RADIL: variants seen among roughly 807,000 people sequenced by gnomAD.
RADIL encodes the protein ras-associating and dilute domain-containing protein.
In RADIL, 99 loss-of-function variants were observed where a neutral mutation model predicts 97.6. The observed-to-expected ratio is 1.01, with a 90% confidence interval of 0.86 to 1.20. The LOEUF is 1.20. Among genes scored for constraint, RADIL ranks in the 50% most tolerant of loss-of-function variants. The probability of loss-of-function intolerance (pLI) is 0.00; values close to 1 mark genes in which losing one functional copy is unlikely to be tolerated. For synonymous variants in RADIL, 803 were observed against 691.8 expected (o/e 1.16, Z -2.52); for missense variants, 1,765 against 1,498.9 (o/e 1.18, Z -2.93).
rs1781992774 is a variant in RADIL at position 4,799,175 on chromosome 7, C to CA, written c.*202dup. On this transcript the variant is annotated 3_prime_UTR_variant, in exon 15 of 15. Transcript: ENST00000399583. ...GTCTTTAAACATAAAAGCTCTGTAACAAACATCACAATTTCACGTCATCTG... is the reference window on the plus strand; with the variant it reads ...GTCTTTAAACATAAAAGCTCTGTAACAAAACATCACAATTTCACGTCATCTG... 1.7e-6 allele frequency: 1 copy of CA among 586,700 alleles called. No homozygotes were observed. Among genetic ancestry groups the CA allele is most frequent in the African/African-American group, 1.9e-5 (1 of 53,650 alleles). 36.3% of individuals were successfully genotyped at this position (586,700 alleles called of 1,614,324 possible).
At position 4,860,501 on chromosome 7, in the gene RADIL, A is replaced by G. The variant is rs368410442; in HGVS notation, c.535+17104T>C. 75 of 1,613,968 alleles carry G rather than the reference A, an allele frequency of 4.6e-5. No individual in the cohort carries two copies. The highest frequency in any genetic ancestry group is 6.3e-5 in the Non-Finnish European group (74 of 1,179,960). On this transcript the variant is annotated intron_variant, in intron 2 of 14. Coordinates refer to ENST00000399583, the MANE Select transcript of RADIL (RefSeq NM_018059.5). The stretch of plus-strand genomic sequence containing the variant: ...TTTTAGCCCTAACCCAATCACCCAC[A>G]TTGTACGAAATTCTTCCATATCAGG...
intron 5 of RADIL, among the ~76,000 whole-genome samples, chr7:4,828,483 G>A (rs1280328090): frequency 6.6e-6 from 1 of 152,168 alleles, no homozygotes; most frequent in Non-Finnish European, 1.5e-5. Flanking sequence ...TAGGAATGTA[G>A]CACTCCACAT....
At position 4,817,443 on chromosome 7, in the gene RADIL, G is replaced by C; in HGVS notation, c.1616-92C>G. On this transcript the variant is annotated intron_variant, in intron 6 of 14. Coordinates refer to ENST00000399583, the MANE Select transcript of RADIL (RefSeq NM_018059.5). This position sits in a 1 kb window ranked among gnomAD's most constrained non-coding sequence, Gnocchi z 8.3. ...AGCCGCCAGCTCTTTCCCTGGCGCG[G>C]GCACCACCCAACGCGCCCATCTGGG... 8.7e-7 allele frequency: 1 copy of C among 1,152,448 alleles called. No homozygotes were observed. The highest frequency in any genetic ancestry group is 1.2e-6 in the Non-Finnish European group (1 of 813,476). The allele number at this position is 1,152,448 out of a possible 1,614,324, so 71.4% of individuals were successfully genotyped here.
chr7:4,857,333 G>A (rs759712693), intron 2 of RADIL, among the ~76,000 whole-genome samples: 18 of 152,018 alleles, frequency 1.2e-4, no homozygotes, highest in Non-Finnish European at 2.4e-4. Flanking sequence ...TTTTGGTTGT[G>A]TCTCTTTTAA....
At chr7:4,839,842 GT>G (rs1023600703) in intron 2 of RADIL, among the ~76,000 whole-genome samples, 19 of 152,170 alleles carry the variant, frequency 1.2e-4, no homozygotes, top group African/African-American at 4.1e-4. Flanking sequence ...TGCCTCCTGG[GT>G]TCGAGTGATT....
Position 4,824,497 on chromosome 7 carries a change from A to T in RADIL, c.1455-1943T>A, listed in dbSNP as rs904620422. ...TGTTCTTTCCCCAGCTGGGCAGCCGAGCAGGGCTGGGGGAGGAACCCCAGG... is the reference window on the plus strand; with the variant it reads ...TGTTCTTTCCCCAGCTGGGCAGCCGTGCAGGGCTGGGGGAGGAACCCCAGG... On this transcript the variant is annotated intron_variant, in intron 5 of 14. Coordinates refer to ENST00000399583, the MANE Select transcript of RADIL (RefSeq NM_018059.5). The surrounding 1 kb of genome is among the most constrained non-coding windows in gnomAD (Gnocchi z 6.7). Among the ~76,000 whole-genome samples the T allele has an allele frequency of 1.3e-5, 2 of 152,200 alleles. No homozygotes were observed. Among genetic ancestry groups the T allele is most frequent in the Non-Finnish European group, 2.9e-5 (2 of 68,028 alleles).
Position 4,878,958 on chromosome 7 carries a change from C to G in RADIL, c.-64-755G>C, listed in dbSNP as rs968192018. Among the ~76,000 whole-genome samples, 2 of 152,358 alleles carry G rather than the reference C, an allele frequency of 1.3e-5. No homozygotes were observed. Among genetic ancestry groups the G allele is most frequent in the Non-Finnish European group, 2.9e-5 (2 of 68,030 alleles). ...AGTGCAACCAGGAAAACAGGCGAAT[C>G]GCAGCCACGTTGGCAGAATAGACCA... On this transcript the variant is annotated intron_variant, in intron 1 of 14. Transcript: ENST00000399583. The surrounding 1 kb of genome is among the most constrained non-coding windows in gnomAD (Gnocchi z 4.1).
chr7:4,856,605 T>C (rs1366841328), intron 2 of RADIL, among the ~76,000 whole-genome samples: 2 of 152,214 alleles, frequency 1.3e-5, no homozygotes, highest in African/African-American at 4.8e-5. Flanking sequence ...GACTTGAGCT[T>C]TTTTGTGTCT....
At position 4,824,324 on chromosome 7, in the gene RADIL, G is replaced by C. The variant is rs1017078458; in HGVS notation, c.1455-1770C>G. ...CAGGCTCAAGGCTGGACGGCCGTCA[G>C]AGTGACCATCGCGTGCTCAGTCCCA... On this transcript the variant is annotated intron_variant, in intron 5 of 14. Coordinates refer to ENST00000399583, the MANE Select transcript of RADIL (RefSeq NM_018059.5). This position sits in a 1 kb window ranked among gnomAD's most constrained non-coding sequence, Gnocchi z 6.7. Among the ~76,000 whole-genome samples, 1 of 152,234 alleles carries C rather than the reference G, an allele frequency of 6.6e-6. No homozygotes were observed. Among genetic ancestry groups the C allele is most frequent in the Non-Finnish European group, 1.5e-5 (1 of 68,034 alleles).
Position 4,865,886 on chromosome 7 carries a change from T to C in RADIL, c.535+11719A>G, listed in dbSNP as rs986814311. On this transcript the variant is annotated intron_variant, in intron 2 of 14. Transcript: ENST00000399583. The stretch of plus-strand genomic sequence containing the variant: ...TTAGACACACAAATATTTACCGTTA[T>C]GTTCTAATTACCTTTAGCATTCAGT... The C allele has an allele frequency of 2.9e-5, 19 of 645,536 alleles. No homozygotes were observed. In the African/African-American group the frequency reaches 3.1e-4, roughly 10 times the overall value. 40.0% of individuals were successfully genotyped at this position (645,536 alleles called of 1,614,324 possible). A position where few individuals can be genotyped will look rare whatever the true frequency, so the allele number is the denominator to read the frequency against.
intron 2 of RADIL, chr7:4,865,609 C>T: frequency 1.2e-6 from 1 of 814,472 alleles, no homozygotes. Context: ...TGCTCTTGCT[C>T]CTTTCGATGG....
At chr7:4,848,364 A>G (rs916894519) in intron 2 of RADIL, among the ~76,000 whole-genome samples, 2 of 152,154 alleles carry the variant, frequency 1.3e-5, no homozygotes, top group Non-Finnish European at 2.9e-5. Flanking sequence ...TTTTTAAAAA[A>G]AAAACCCAGC....
At chr7:4,799,922 G>C (rs1782022460) in intron 13 of RADIL, among the ~76,000 whole-genome samples, 153 bp from the exon 14 acceptor site, 1 of 152,202 alleles carries the variant, frequency 6.6e-6, no homozygotes, top group Non-Finnish European at 1.5e-5. Flanking sequence ...AAAAGCAGTG[G>C]ACACCACCGT....
In RADIL at chr7:4,877,789, G is replaced by A. The variant is rs368805834; in HGVS notation, c.351C>T (p.Gly117=). ...ACCGCTGCCCAGCATCGCCGGCTTG[G>A]CCCACCACGTCACACAGCACGTACT... ...AGQYVLCDVV[G]QAGDAGQRWQ... is the part of the protein sequence containing the mutation. The change falls in exon 2 of 15, where the codon GGC becomes GGT. Residue 117 remains glycine, a synonymous_variant. Transcript: ENST00000399583. 1.4e-4 allele frequency: 224 copies of A among 1,611,758 alleles called. No individual in the cohort carries two copies. The African/African-American group carries it at 2.9e-3, about 21-fold the overall frequency.
intron 10 of RADIL, 194 bp from the exon 11 acceptor site, chr7:4,803,948 G>A (rs762334523): frequency 1.2e-4 from 80 of 679,276 alleles, no homozygotes; most frequent in Admixed American, 1.4e-4. Context: ...CTGAATTCCC[G>A]CCGACCACCC....
At chr7:4,833,182 A>G (rs3793141) in intron 4 of RADIL, among the ~76,000 whole-genome samples, 37,774 of 152,128 alleles carry the variant, frequency 0.25, 5,710 homozygotes, top group East Asian at 0.37. Flanking sequence ...CAAGTGACTT[A>G]CGGCCCCCTG....
At chr7:4,838,042 G>A (rs1180656377) in intron 2 of RADIL, 4 of 985,328 alleles carry the variant, frequency 4.1e-6, no homozygotes, top group East Asian at 1.1e-4. Context: ...CAAGGCAGCC[G>A]GCAGCCTGTG....
intron 2 of RADIL, chr7:4,860,799 T>C (rs1276602936): frequency 3.1e-6 from 5 of 1,614,076 alleles, no homozygotes; most frequent in Non-Finnish European, 4.2e-6. Flanking sequence ...TCCTCAATCA[T>C]GACCATCCTG....
At chr7:4,802,784 C>A (rs1229341726) in intron 11 of RADIL, among the ~76,000 whole-genome samples, 1 of 125,656 alleles carries the variant, frequency 8.0e-6, no homozygotes, top group African/African-American at 3.3e-5. Flanking sequence ...GGGGGGCCCC[C>A]TCCCCAGACA....
Sources: allele counts gnomAD v4.1 joint callset (sites outside exome capture counted in the v4.1 genomes callset), GRCh38; gene constraint gnomAD v4.1.1; non-coding constraint Gnocchi (gnomAD v3.1); transcripts MANE v1.5; gene names NCBI Gene and HGNC (gene_info 2026-07-23, HGNC 2026-07-21).